FHAD1: variants seen among roughly 807,000 people sequenced by gnomAD.
The protein encoded by FHAD1 is forkhead-associated domain-containing protein 1.
A neutral mutation model predicts 191.3 loss-of-function variants in FHAD1; 146 were observed. The ratio of observed to expected loss-of-function variants is 0.76; its 90% CI spans 0.67 to 0.88. FHAD1 has a LOEUF of 0.88. Ranked by LOEUF, FHAD1 falls within the 40% of genes least tolerant of loss-of-function variation. The pLI, the probability that FHAD1 is intolerant of heterozygous loss-of-function variation, is 0.00. For synonymous variants in FHAD1, 616 were observed against 672.3 expected (o/e 0.92, Z 1.29); for missense variants, 1,635 against 1,785.8 (o/e 0.92, Z 1.52).
Position 15,329,589 on chromosome 1 carries a change from G to T in FHAD1, c.1906+48G>T, listed in dbSNP as rs528819440. The T allele has an allele frequency of 6.6e-7, 1 of 1,509,042 alleles. No individual in the cohort carries two copies. The highest frequency in any genetic ancestry group is 1.7e-4 in the Middle Eastern group (1 of 5,928). 93.5% of individuals were successfully genotyped at this position (1,509,042 alleles called of 1,614,324 possible). A position where few individuals can be genotyped will look rare whatever the true frequency, so the allele number is the denominator to read the frequency against. ...CATGGTTGCATGACTCTAAAATGTCGCGTTGAATCTCAGCATGATGGGACA... is the reference window on the plus strand; with the variant it reads ...CATGGTTGCATGACTCTAAAATGTCTCGTTGAATCTCAGCATGATGGGACA... On this transcript the variant is annotated intron_variant, in intron 14 of 33. Transcript: ENST00000688493. This position sits in a 1 kb window ranked among gnomAD's most constrained non-coding sequence, Gnocchi z 5.0.
At position 15,276,193 on chromosome 1, in the gene FHAD1, A is replaced by G. The variant is rs1257410894; in HGVS notation, c.300+3664A>G. On this transcript the variant is annotated intron_variant, in intron 3 of 33. Transcript: ENST00000688493. This position sits in a 1 kb window ranked among gnomAD's most constrained non-coding sequence, Gnocchi z 4.7. ...ATTTCTGTAAAATTGGAATCCTAAT[A>G]GTTCCTCATGTGGGGTTACTGTAGT... Among the ~76,000 whole-genome samples, 4 of 152,192 alleles carry G rather than the reference A, an allele frequency of 2.6e-5. No homozygotes were observed. Among genetic ancestry groups the G allele is most frequent in the African/African-American group, 9.7e-5 (4 of 41,450 alleles).
At chr1:15,332,187 G>A (rs1406806149) in intron 14 of FHAD1, among the ~76,000 whole-genome samples, 2 of 152,108 alleles carry the variant, frequency 1.3e-5, no homozygotes, top group Admixed American at 6.6e-5. Context: ...AGCAGAGAGC[G>A]TTACTGTTCT....
chr1:15,369,754 A>G (rs1452545556), intron 26 of FHAD1, among the ~76,000 whole-genome samples: 1 of 152,170 alleles, frequency 6.6e-6, no homozygotes, highest in East Asian at 1.9e-4. Flanking sequence ...CATGGTCAAG[A>G]AAATGCAGTG....
intron 4 of FHAD1, among the ~76,000 whole-genome samples, chr1:15,292,255 C>G (rs944017329): frequency 2.0e-5 from 3 of 152,124 alleles, no homozygotes; most frequent in African/African-American, 7.2e-5. Context: ...TCAAGTGATT[C>G]TCCTGCCTCA....
At chr1:15,362,791 A>G in intron 23 of FHAD1, 65 bp downstream of exon 23, 1 of 1,293,392 alleles carries the variant, frequency 7.7e-7, no homozygotes, top group Non-Finnish European at 1.1e-6. Flanking sequence ...GGGGGCAAAC[A>G]GGCAACCAGC....
At chr1:15,294,386 G>T (rs545473151) in intron 4 of FHAD1, among the ~76,000 whole-genome samples, 1 of 152,100 alleles carries the variant, frequency 6.6e-6, no homozygotes, top group Admixed American at 6.6e-5. Flanking sequence ...ATTGTTTGTT[G>T]TGGGGCTGTC....
At chr1:15,374,737 A>G in intron 27 of FHAD1, 106 bp downstream of exon 27, 1 of 1,410,128 alleles carries the variant, frequency 7.1e-7, no homozygotes, top group Non-Finnish European at 9.6e-7. Context: ...ATCATCCCAG[A>G]ACTTGGAGGA....
At chr1:15,364,556 G>A (rs1695815467) in intron 23 of FHAD1, among the ~76,000 whole-genome samples, 1 of 152,138 alleles carries the variant, frequency 6.6e-6, no homozygotes, top group South Asian at 2.1e-4. Flanking sequence ...TTTGCAGTGA[G>A]CTGAGATCAC....
chr1:15,312,520 G>T lies in FHAD1; in HGVS notation c.1040-537G>T, dbSNP rs1182955208. ...CTACAAAAAATACAAAAATTAGCCA[G>T]GCATAGTGGCACGTACCTGTAGTCC... On this transcript the variant is annotated intron_variant, in intron 7 of 33. Transcript: ENST00000688493. The surrounding 1 kb of genome is among the most constrained non-coding windows in gnomAD (Gnocchi z 4.7). Among the ~76,000 whole-genome samples, 1 of 152,138 alleles carries T rather than the reference G, an allele frequency of 6.6e-6. No homozygotes were observed. Among genetic ancestry groups the T allele is most frequent in the Non-Finnish European group, 1.5e-5 (1 of 68,024 alleles).
chr1:15,287,014 A>T (rs941220463), intron 3 of FHAD1: 1 of 152,298 alleles, frequency 6.6e-6, no homozygotes, highest in African/African-American at 2.4e-5. Context: ...TTCAATGAGT[A>T]CTTATTAAAC....
At chr1:15,333,623 TC>T (rs982432574) in intron 14 of FHAD1, among the ~76,000 whole-genome samples, 7 of 151,110 alleles carry the variant, frequency 4.6e-5, no homozygotes, top group Non-Finnish European at 8.8e-5. Context: ...TGACAGGGAG[TC>T]CCCAGTCTAT....
intron 6 of FHAD1, chr1:15,305,701 G>A (rs1670251115): frequency 2.3e-6 from 1 of 430,192 alleles, no homozygotes; most frequent in Admixed American, 2.5e-5. Context: ...CATGAGATCT[G>A]ATGGTTTTAT....
At chr1:15,345,270 C>G in intron 17 of FHAD1, 80 bp downstream of exon 17, 1 of 1,399,988 alleles carries the variant, frequency 7.1e-7, no homozygotes. Context: ...GGTCTGGGCC[C>G]GCCGGCTCTG....
At chr1:15,261,584 C>T (rs1651087423) in intron 2 of FHAD1, among the ~76,000 whole-genome samples, 1 of 152,140 alleles carries the variant, frequency 6.6e-6, no homozygotes, top group Non-Finnish European at 1.5e-5. Flanking sequence ...CCTGAAACAG[C>T]GTCTTCTCGG....
At chr1:15,363,148 C>T (rs77436751) in intron 23 of FHAD1, among the ~76,000 whole-genome samples, 1,557 of 152,252 alleles carry the variant, frequency 0.01, 28 homozygotes, top group African/African-American at 0.035. Context: ...CTGGTGAGGG[C>T]CTTCTTGCTG....
At chr1:15,372,124 C>T (rs1435083091) in intron 26 of FHAD1, among the ~76,000 whole-genome samples, 2 of 151,438 alleles carry the variant, frequency 1.3e-5, no homozygotes, top group Non-Finnish European at 2.9e-5. Context: ...AGCACAGTGA[C>T]GCGGGGGCAT....
chr1:15,246,905 T>A (rs902852195), upstream of FHAD1, among the ~76,000 whole-genome samples: 1 of 152,146 alleles, frequency 6.6e-6, no homozygotes, highest in Non-Finnish European at 1.5e-5. Flanking sequence ...AAGGGTCTCA[T>A]GAGTTCAGCT....
chr1:15,372,313 C>T (rs1698334355), intron 26 of FHAD1, among the ~76,000 whole-genome samples: 1 of 152,162 alleles, frequency 6.6e-6, no homozygotes, highest in African/African-American at 2.4e-5. Flanking sequence ...GCCCTGTTCC[C>T]CTGGTGGCAG....
intron 26 of FHAD1, 42 bp from the exon 27 acceptor site, chr1:15,374,460 C>T: frequency 1.3e-6 from 2 of 1,549,574 alleles, no homozygotes; most frequent in Non-Finnish European, 1.7e-6. Context: ...GAGAAATCTT[C>T]TAATCCCTGA....
Sources: allele counts gnomAD v4.1 joint callset (sites outside exome capture counted in the v4.1 genomes callset), GRCh38; gene constraint gnomAD v4.1.1; non-coding constraint Gnocchi (gnomAD v3.1); transcripts MANE v1.5; gene names NCBI Gene and HGNC (gene_info 2026-07-23, HGNC 2026-07-21).